NCBP1: variants seen among roughly 807,000 people sequenced by gnomAD.
NCBP1 encodes nuclear cap-binding protein subunit 1.
A neutral mutation model predicts 111.7 loss-of-function variants in NCBP1; 16 were observed. That is an observed-to-expected ratio of 0.14 (90% confidence interval 0.10 to 0.22). The LOEUF is 0.22. Ranked by LOEUF, NCBP1 falls within the 10% of genes least tolerant of loss-of-function variation. The pLI, the probability that NCBP1 is intolerant of heterozygous loss-of-function variation, is 1.00. For synonymous variants in NCBP1, 304 were observed against 314.3 expected, an observed-to-expected ratio of 0.97 and a Z score of 0.35; for missense variants, 607 against 957.5, an observed-to-expected ratio of 0.63 and a Z score of 4.83.
chr9:97,648,912 G>A (rs1424385877), intron 8 of NCBP1, among the ~76,000 whole-genome samples: 1 of 152,012 alleles, frequency 6.6e-6, no homozygotes, highest in Non-Finnish European at 1.5e-5. Context: ...ATGTTGCCCT[G>A]GTTGGTCTCA....
rs566106083 is a variant in NCBP1 at position 97,667,022 on chromosome 9, T to C, written c.2016+145T>C. The C allele has an allele frequency of 6.8e-4, 404 of 593,112 alleles. 6 individuals are homozygous for C. The South Asian group carries it at 8.8e-3, about 13-fold the overall frequency. The allele number at this position is 593,112 out of a possible 1,614,324, so 36.7% of individuals were successfully genotyped here. A position where few individuals can be genotyped will look rare whatever the true frequency, so the allele number is the denominator to read the frequency against. ...AGAAATTTTTCTGAGCCCAATTTAA[T>C]GCAGAAGCAGAAGAGGAGGAAGGAG... On this transcript the variant is annotated intron_variant, in intron 20 of 22. Transcript: ENST00000375147.
chr9:97,657,476 C>G (rs972144919), intron 14 of NCBP1, among the ~76,000 whole-genome samples: 1 of 152,216 alleles, frequency 6.6e-6, no homozygotes. Flanking sequence ...TCTAGAGGCA[C>G]ATGATTCCCA....
chr9:97,655,696 A>C lies in NCBP1; in HGVS notation c.1236-6A>C. 6.2e-7 allele frequency: 1 copy of C among 1,608,466 alleles called. No individual in the cohort carries two copies. ...TTCTCTGCCTACCTCCCCCTTCTCT[A>C]CGTAGGTTTATTAATTGGTTTTCTC... On this transcript the variant is annotated splice_polypyrimidine_tract_variant and splice_region_variant and intron_variant, in intron 12 of 22. Transcript: ENST00000375147.
chr9:97,642,432 A>G (rs1350030560), intron 3 of NCBP1, among the ~76,000 whole-genome samples: 1 of 152,082 alleles, frequency 6.6e-6, no homozygotes, highest in Non-Finnish European at 1.5e-5. Context: ...GTACTTTAGG[A>G]AAACAAGTCA....
In NCBP1 at chr9:97,653,843, G is replaced by A; in HGVS notation, c.1105G>A (p.Asp369Asn). ...TCAACTTCCAGCACCCCCTCACATT[G>A]ATGTGATGTACACAACACTCCTCAT... Reference protein sequence around the residue: ...LFQLPAPPHIDVMYTTLLIEL... With the variant: ...LFQLPAPPHINVMYTTLLIEL... Residue 369 changes from aspartate to asparagine, a missense_variant, in exon 11 of 23, where the codon GAT (aspartate) becomes AAT (asparagine). This residue lies in a region of NCBP1 where 33 missense variants were observed against 46.5 expected (regional missense o/e 0.71). Transcript: ENST00000375147. The A allele has an allele frequency of 1.9e-6, 3 of 1,614,042 alleles. No homozygotes were observed. Among genetic ancestry groups the A allele is most frequent in the Non-Finnish European group, 2.5e-6 (3 of 1,179,980 alleles).
intron 1 of NCBP1, chr9:97,635,954 G>T (rs1204178952): frequency 6.6e-6 from 1 of 152,148 alleles, no homozygotes; most frequent in African/African-American, 2.4e-5. Flanking sequence ...TGGTTATTGG[G>T]AGACTTACAT....
Position 97,660,974 on chromosome 9 carries a change from C to T in NCBP1, c.1506C>T (p.Leu502=). Residue 502 remains leucine (L), a synonymous_variant, in exon 16 of 23, where the codon CTC becomes CTT. Coordinates refer to ENST00000375147, the MANE Select transcript of NCBP1 (RefSeq NM_002486.5). ...SNSLPGHSVA[L]CLAVAFKSKA... Reference sequence around the variant, plus strand: ...CTCTTCCTGGACATTCTGTTGCCCTCTGTTTAGCTGTTGCCTTTAAAAGTA... The same window carrying T: ...CTCTTCCTGGACATTCTGTTGCCCTTTGTTTAGCTGTTGCCTTTAAAAGTA... 1 of 1,612,266 alleles carries T rather than the reference C, an allele frequency of 6.2e-7. No homozygotes were observed. The highest frequency in any genetic ancestry group is 8.5e-7 in the Non-Finnish European group (1 of 1,179,532).
chr9:97,656,623 C>A (rs1472975425), intron 14 of NCBP1, among the ~76,000 whole-genome samples: 3 of 152,144 alleles, frequency 2.0e-5, no homozygotes, highest in Non-Finnish European at 4.4e-5. Context: ...CACAACATTA[C>A]AAAGAATTCT....
chr9:97,661,265 TAAGAATA>T (rs1827826462), intron 16 of NCBP1, among the ~76,000 whole-genome samples, 197 bp downstream of exon 16: 1 of 152,222 alleles, frequency 6.6e-6, no homozygotes, highest in African/African-American at 2.4e-5. Flanking sequence ...ATAGCTTACT[TAAGAATA>T]TAAACTTCAT....
intron 16 of NCBP1, 81 bp downstream of exon 16, chr9:97,661,149 C>T: frequency 6.5e-7 from 1 of 1,547,498 alleles, no homozygotes; most frequent in South Asian, 1.1e-5. Context: ...CAACATGATG[C>T]TCTTAAAGCA....
chr9:97,669,694 G>T lies in NCBP1; in HGVS notation c.2247G>T (p.Gln749His), dbSNP rs1273533103. Reference protein sequence around the residue: ...WYKNCIERLQQIFLQHHQIIQ... With the variant: ...WYKNCIERLQHIFLQHHQIIQ... ...AGAACTGTATAGAGAGGCTGCAGCA[G>T]ATCTTCCTACAGGTATGTGGGGAAC... Residue 749 changes from glutamine to histidine, a missense_variant, in exon 22 of 23, where the codon CAG becomes CAT. Gln to His is a conservative substitution (Grantham distance 24, BLOSUM62 0). This residue lies in a region of NCBP1 where 8 missense variants were observed against 35.0 expected (regional missense o/e 0.23). Coordinates refer to ENST00000375147, the MANE Select transcript of NCBP1 (RefSeq NM_002486.5). The T allele has an allele frequency of 6.3e-7, 1 of 1,594,072 alleles. No individual in the cohort carries two copies. The highest frequency in any genetic ancestry group is 8.6e-7 in the Non-Finnish European group (1 of 1,161,986).
In NCBP1 at chr9:97,647,009, T is replaced by C. The variant is rs150427820; in HGVS notation, c.612-483T>C. Among the ~76,000 whole-genome samples, 214 of 152,132 alleles carry C rather than the reference T, an allele frequency of 1.4e-3. 1 individual carries two copies. The highest frequency in any genetic ancestry group is 4.9e-3 in the African/African-American group (203 of 41,518). ...AAAATACTTAACTCTACTTCATTCT[T>C]TTTAACAGTTGTAGGGTATTTCACT... On this transcript the variant is annotated intron_variant, in intron 6 of 22. Transcript: ENST00000375147.
intron 8 of NCBP1, among the ~76,000 whole-genome samples, chr9:97,649,598 A>C (rs1284727681): frequency 1.3e-5 from 2 of 152,254 alleles, no homozygotes; most frequent in Non-Finnish European, 2.9e-5. Context: ...TTACATATAC[A>C]AAATTATCAG....
intron 18 of NCBP1, 35 bp downstream of exon 18, chr9:97,663,082 G>A: frequency 1.4e-6 from 2 of 1,456,980 alleles, no homozygotes; most frequent in South Asian, 1.2e-5. Context: ...TTGAAGCTCT[G>A]ATTGTATGGG....
At position 97,645,107 on chromosome 9, in the gene NCBP1, G is replaced by T; in HGVS notation, c.382-10G>T. On this transcript the variant is annotated splice_polypyrimidine_tract_variant and intron_variant, in intron 4 of 22. Coordinates refer to ENST00000375147, the MANE Select transcript of NCBP1 (RefSeq NM_002486.5). ...TTAGGTTTAATAGCAGAAATTGTTT[G>T]CCCCAACAGGTCCGTTTTTTATCTG... The T allele has an allele frequency of 1.9e-6, 3 of 1,600,254 alleles. No homozygotes were observed. The highest frequency in any genetic ancestry group is 1.1e-5 in the South Asian group (1 of 90,792).
intron 4 of NCBP1, 113 bp downstream of exon 4, chr9:97,643,473 T>C: frequency 8.5e-7 from 1 of 1,171,432 alleles, no homozygotes; most frequent in Non-Finnish European, 1.2e-6. Flanking sequence ...TTCACTTTCA[T>C]AGCTTCATAA....
intron 15 of NCBP1, among the ~76,000 whole-genome samples, chr9:97,659,323 T>A (rs1827762084): frequency 1.3e-5 from 2 of 152,216 alleles, no homozygotes; most frequent in Non-Finnish European, 2.9e-5. Flanking sequence ...CTTTGCAGAT[T>A]ACACTTAACA....
chr9:97,639,804 G>GT (rs1295544128), intron 1 of NCBP1, among the ~76,000 whole-genome samples: 6 of 152,102 alleles, frequency 3.9e-5, no homozygotes, highest in African/African-American at 1.4e-4. Flanking sequence ...AAACAAAGTG[G>GT]TAAGAGATAC....
At chr9:97,667,002 T>G (rs1031615280) in intron 20 of NCBP1, 125 bp downstream of exon 20, 3 of 687,160 alleles carry the variant, frequency 4.4e-6, no homozygotes, top group Non-Finnish European at 6.9e-6. Flanking sequence ...AGAGCAGAAA[T>G]TTTTCTGAGC....
Sources: gnomAD v4.1 joint callset for allele counts (sites outside exome capture counted in the v4.1 genomes callset) on GRCh38, gnomAD v4.1.1 for gene constraint, gnomAD v4.1.1 regional missense constraint, MANE v1.5 for transcripts, NCBI Gene and HGNC (gene_info 2026-07-23, HGNC 2026-07-21) for gene names.